Variants in PCDHA2 observed in about 807,000 individuals in gnomAD.
PCDHA2 encodes protocadherin alpha 2.
PCDHA2 carries 58 observed loss-of-function variants against 66.0 expected under a neutral mutation model. That is an observed-to-expected ratio of 0.88 (90% CI 0.71 to 1.09). The LOEUF is 1.09. Ranked by LOEUF, PCDHA2 falls within the 50% of genes least tolerant of loss-of-function variation. The pLI, the probability that PCDHA2 is intolerant of heterozygous loss-of-function variation, is 0.00. For missense variants in PCDHA2, 1,267 were observed against 1,242.3 expected, an observed-to-expected ratio of 1.02 and a Z score of -0.30; for synonymous variants, 634 against 554.0, an observed-to-expected ratio of 1.14 and a Z score of -2.03.
In PCDHA2 at chr5:140,834,452, T is replaced by C. The variant is rs2150218542; in HGVS notation, c.2388+37100T>C. On this transcript the variant is annotated intron_variant, in intron 1 of 3. Coordinates refer to ENST00000526136, the MANE Select transcript of PCDHA2 (RefSeq NM_018905.3). ...TGCTGTTTATTATAATTCTAGCAGC[T>C]TGGGAGGCAGGGAGAGGCCAGCTCC... 1.4e-4 allele frequency: 225 copies of C among 1,593,388 alleles called. 2 individuals are homozygous for C. The South Asian group carries it at 2.5e-3, about 18-fold the overall frequency.
intron 1 of PCDHA2, chr5:140,968,110 G>A: frequency 1.2e-6 from 2 of 1,614,172 alleles, no homozygotes; most frequent in Non-Finnish European, 1.7e-6. Context: ...GAATACCGCA[G>A]CTCACATCCC....
At chr5:140,984,859 A>G (rs1368341114) in intron 3 of PCDHA2, among the ~76,000 whole-genome samples, 1 of 152,046 alleles carries the variant, frequency 6.6e-6, no homozygotes, top group Non-Finnish European at 1.5e-5. Flanking sequence ...TAATAATAAC[A>G]CCTATTTTAT....
At chr5:140,866,404 A>C (rs781790462) in intron 1 of PCDHA2, 1 of 152,130 alleles carries the variant, frequency 6.6e-6, no homozygotes, top group Non-Finnish European at 1.5e-5. Context: ...TTCCCATGAA[A>C]ATCTTCAAAT....
At chr5:140,823,962 C>G (rs2150130846) in intron 1 of PCDHA2, 6 of 1,613,908 alleles carry the variant, frequency 3.7e-6, no homozygotes, top group East Asian at 2.2e-5. Flanking sequence ...CCACCGAGGC[C>G]GTGTGCACAC....
At chr5:140,969,733 T>C (rs1299165103) in intron 1 of PCDHA2, among the ~76,000 whole-genome samples, 1 of 152,242 alleles carries the variant, frequency 6.6e-6, no homozygotes, top group Non-Finnish European at 1.5e-5. Context: ...TTTGAAATCC[T>C]ATATGAGTGA....
At chr5:140,868,958 T>C (rs1033698977) in intron 1 of PCDHA2, 1 of 1,397,386 alleles carries the variant, frequency 7.2e-7, no homozygotes, top group African/African-American at 1.4e-5. Context: ...GGCACTCCCA[T>C]ACAAAGGAAC....
At chr5:140,967,380 A>C in intron 1 of PCDHA2, 3 of 1,608,302 alleles carry the variant, frequency 1.9e-6, no homozygotes, top group Non-Finnish European at 2.6e-6. Flanking sequence ...GAGAACAGTA[A>C]AGTGCTTGAG....
intron 1 of PCDHA2, among the ~76,000 whole-genome samples, chr5:140,923,228 CCAGAA>C (rs2081257346): frequency 1.4e-5 from 1 of 71,808 alleles, no homozygotes; most frequent in Admixed American, 1.5e-4. Flanking sequence ...TCGTTTGAGC[CCAGAA>C]GTTTGAGACC....
At chr5:140,944,823 C>T (rs1246814273) in intron 1 of PCDHA2, among the ~76,000 whole-genome samples, 1 of 152,148 alleles carries the variant, frequency 6.6e-6, no homozygotes, top group Non-Finnish European at 1.5e-5. Context: ...ATCTTTGCCC[C>T]ATAATTGTAA....
intron 3 of PCDHA2, among the ~76,000 whole-genome samples, chr5:141,002,136 G>C (rs2153972972): frequency 6.6e-6 from 1 of 152,374 alleles, no homozygotes; most frequent in East Asian, 1.9e-4. Flanking sequence ...GCCTTTGCCG[G>C]CTGCACTGAC....
At chr5:140,894,044 T>C (rs2064295340) in intron 1 of PCDHA2, among the ~76,000 whole-genome samples, 1 of 152,190 alleles carries the variant, frequency 6.6e-6, no homozygotes, top group Admixed American at 6.5e-5. Context: ...ATGTAAGTCC[T>C]CTGTTGAATT....
At chr5:140,851,138 G>T in intron 1 of PCDHA2, 2 of 1,312,402 alleles carry the variant, frequency 1.5e-6, no homozygotes, top group Non-Finnish European at 2.0e-6. Context: ...TGTGATTAAA[G>T]TGACATTGAA....
chr5:140,929,528 T>C, intron 1 of PCDHA2: 1 of 693,446 alleles, frequency 1.4e-6, no homozygotes, highest in African/African-American at 1.9e-5. Context: ...TAGTTTATTT[T>C]TGAGAAACAA....
intron 1 of PCDHA2, among the ~76,000 whole-genome samples, chr5:140,831,979 C>T (rs2150198667): frequency 6.6e-6 from 1 of 152,178 alleles, no homozygotes; most frequent in East Asian, 1.9e-4. Context: ...CTAGGAAACT[C>T]TCATTACGGA....
At chr5:140,957,269 T>TC (rs2095346885) in intron 1 of PCDHA2, among the ~76,000 whole-genome samples, 1 of 152,070 alleles carries the variant, frequency 6.6e-6, no homozygotes, top group African/African-American at 2.4e-5. Context: ...TAAGCACTAG[T>TC]CCCCCCTTAC....
At chr5:140,801,960 G>T in intron 1 of PCDHA2, 2 of 1,614,196 alleles carry the variant, frequency 1.2e-6, no homozygotes, top group Non-Finnish European at 1.7e-6. Flanking sequence ...ACTCGAAAAT[G>T]CACCAAATGG....
At chr5:140,941,217 T>TCCTTTCTTTCTTTCTTTCTTTCTG (rs2092892388) in intron 1 of PCDHA2, among the ~76,000 whole-genome samples, 1 of 126,078 alleles carries the variant, frequency 7.9e-6, no homozygotes, top group Non-Finnish European at 1.7e-5. Context: ...CTTTCTTCCT[T>TCCTTTCTTTCTTTCTTTCTTTCTG]TCTTTCTTTC....
intron 1 of PCDHA2, chr5:140,802,228 A>G: frequency 6.2e-7 from 1 of 1,614,240 alleles, no homozygotes. Context: ...GTGGACATCA[A>G]TGATAATGTA....
At chr5:140,800,306 T>A (rs1762538280) in intron 1 of PCDHA2, among the ~76,000 whole-genome samples, 1 of 152,160 alleles carries the variant, frequency 6.6e-6, no homozygotes, top group Non-Finnish European at 1.5e-5. Flanking sequence ...CTGAAATCTT[T>A]ATGTAAGTTA....
Sources: allele counts gnomAD v4.1 joint callset (sites outside exome capture counted in the v4.1 genomes callset), GRCh38; gene constraint gnomAD v4.1.1; transcripts MANE v1.5; gene names NCBI Gene and HGNC (gene_info 2026-07-23, HGNC 2026-07-21).